PRKACB: variants seen among roughly 807,000 people sequenced by gnomAD.
The protein encoded by PRKACB is cAMP-dependent protein kinase catalytic subunit beta.
In PRKACB, 16 loss-of-function variants were observed where a neutral mutation model predicts 51.4. The ratio of observed to expected loss-of-function variants is 0.31; its 90% CI spans 0.21 to 0.47. PRKACB has a LOEUF of 0.47. Among genes scored for constraint, PRKACB ranks in the 20% least tolerant of loss-of-function variants. The pLI, the probability that PRKACB is intolerant of heterozygous loss-of-function variation, is 1.00. For synonymous variants in PRKACB, 147 were observed against 154.4 expected (o/e 0.95, Z 0.35); for missense variants, 309 against 464.5 (o/e 0.67, Z 3.08).
chr1:84,173,942 C>T (rs1381369577), intron 1 of PRKACB, among the ~76,000 whole-genome samples: 1 of 151,768 alleles, frequency 6.6e-6, no homozygotes, highest in Non-Finnish European at 1.5e-5. Flanking sequence ...TAGCCATCAA[C>T]ATCTAACATA....
chr1:84,181,721 C>T (rs964905570), intron 2 of PRKACB: 26 of 1,516,632 alleles, frequency 1.7e-5, no homozygotes, highest in Non-Finnish European at 2.2e-5. Context: ...AGACTGATTT[C>T]TTCACAGGTA....
intron 1 of PRKACB, among the ~76,000 whole-genome samples, chr1:84,129,482 T>G (rs1327684203): frequency 2.0e-5 from 3 of 152,200 alleles, no homozygotes; most frequent in Non-Finnish European, 2.9e-5. Context: ...TCTCATAAAG[T>G]ACTGTGACAA....
At chr1:84,215,869 A>G (rs1462838462) in intron 9 of PRKACB, among the ~76,000 whole-genome samples, 1 of 151,782 alleles carries the variant, frequency 6.6e-6, no homozygotes, top group East Asian at 1.9e-4. Flanking sequence ...AATATATTTA[A>G]TTTTTTTCTT....
chr1:84,092,795 G>C (rs544972389), intron 1 of PRKACB, among the ~76,000 whole-genome samples: 1 of 151,346 alleles, frequency 6.6e-6, no homozygotes, highest in South Asian at 2.1e-4. Flanking sequence ...AACATTTCCT[G>C]GTTATAATTT....
upstream of PRKACB, among the ~76,000 whole-genome samples, chr1:84,139,349 T>G (rs182728563): frequency 1.3e-5 from 2 of 152,290 alleles, no homozygotes; most frequent in East Asian, 3.9e-4. Context: ...AAATAATATA[T>G]AGTAGCAATG....
At chr1:84,229,103 C>G (rs1191402247) in intron 9 of PRKACB, among the ~76,000 whole-genome samples, 1 of 136,606 alleles carries the variant, frequency 7.3e-6, no homozygotes, top group Non-Finnish European at 1.5e-5. Flanking sequence ...CGTAACAGTC[C>G]CCAGAGTATG....
chr1:84,204,456 T>C (rs1449952165), intron 8 of PRKACB: 2 of 1,516,152 alleles, frequency 1.3e-6, no homozygotes, highest in South Asian at 1.1e-5. Flanking sequence ...AGACTTCTTA[T>C]CTTTGTAATT....
intron 1 of PRKACB, among the ~76,000 whole-genome samples, chr1:84,108,043 A>G (rs1319883959): frequency 1.3e-5 from 2 of 152,180 alleles, no homozygotes; most frequent in South Asian, 4.1e-4. Flanking sequence ...TCATTGCAGC[A>G]CTATTCACAA....
In PRKACB at chr1:84,238,152, C is replaced by G. The variant is rs1676815246; in HGVS notation, c.*2847C>G. 1 of 152,278 alleles carries G rather than the reference C, an allele frequency of 6.6e-6. No homozygotes were observed. The highest frequency in any genetic ancestry group is 1.5e-5 in the Non-Finnish European group (1 of 67,974). 9.4% of individuals were successfully genotyped at this position (152,278 alleles called of 1,614,324 possible). On this transcript the variant is annotated 3_prime_UTR_variant, in exon 10 of 10. Transcript: ENST00000370685. ...CAGTTGAATCAAACTGTCAACCTAC[C>G]AAAAACGATATTGTGGCTTATGGGT...
chr1:84,140,819 A>T (rs1197928080), upstream of PRKACB, among the ~76,000 whole-genome samples: 1 of 152,150 alleles, frequency 6.6e-6, no homozygotes, highest in Non-Finnish European at 1.5e-5. Context: ...AGTGTCTTGC[A>T]GTACAAGAAA....
chr1:84,231,125 A>C (rs1375696679), intron 9 of PRKACB, among the ~76,000 whole-genome samples: 2 of 150,954 alleles, frequency 1.3e-5, no homozygotes, highest in Non-Finnish European at 3.0e-5. Context: ...ATTTATTGAG[A>C]GTTTTTAGCG....
At chr1:84,079,049 C>T (rs911286657) in intron 1 of PRKACB, among the ~76,000 whole-genome samples, 3 of 152,134 alleles carry the variant, frequency 2.0e-5, no homozygotes, top group Admixed American at 2.0e-4. Context: ...TTCCAGAACA[C>T]GGTTAATTTC....
intron 9 of PRKACB, among the ~76,000 whole-genome samples, chr1:84,224,531 A>G (rs1674258313): frequency 6.6e-6 from 1 of 152,208 alleles, no homozygotes; most frequent in Non-Finnish European, 1.5e-5. Context: ...TAGTGGTGGC[A>G]GACTGGGCAG....
In PRKACB at chr1:84,137,487, G is replaced by T. The variant is rs141950933; in HGVS notation, c.47-41690G>T. Among the ~76,000 whole-genome samples the T allele has an allele frequency of 4.2e-4, 64 of 152,230 alleles. No individual in the cohort carries two copies. In the East Asian group the frequency reaches 0.012, roughly 28 times the overall value. On this transcript the variant is annotated intron_variant, in intron 1 of 8. Transcript: ENST00000370688. ...ACAGCACTTACAGCACAAAGAACAA[G>T]TCTTAATGTACGCAAACTTTAAAAA...
At chr1:84,148,837 A>G (rs983912692) in intron 1 of PRKACB, among the ~76,000 whole-genome samples, 2 of 152,220 alleles carry the variant, frequency 1.3e-5, no homozygotes, top group African/African-American at 2.4e-5. Context: ...TGCAAGTACT[A>G]TATCAACTGT....
At chr1:84,200,953 C>T (rs979683397) in intron 7 of PRKACB, among the ~76,000 whole-genome samples, 5 of 151,992 alleles carry the variant, frequency 3.3e-5, no homozygotes, top group African/African-American at 1.2e-4. Context: ...ACTCTTCTAT[C>T]GTTGAGTGTT....
chr1:84,145,349 T>C (rs910065216), intron 1 of PRKACB, among the ~76,000 whole-genome samples: 5 of 152,100 alleles, frequency 3.3e-5, no homozygotes, highest in Non-Finnish European at 7.4e-5. Context: ...AGAGGAACAA[T>C]AGAATTACCC....
chr1:84,152,576 A>G (rs1201448370), intron 1 of PRKACB, among the ~76,000 whole-genome samples: 1 of 152,188 alleles, frequency 6.6e-6, no homozygotes, highest in Non-Finnish European at 1.5e-5. Flanking sequence ...CTCCATTAGC[A>G]CTTGCTGCTT....
intron 8 of PRKACB, among the ~76,000 whole-genome samples, chr1:84,213,483 G>T (rs988396896): frequency 1.3e-5 from 2 of 152,018 alleles, no homozygotes; most frequent in Non-Finnish European, 2.9e-5. Context: ...CTTATTTGGG[G>T]GTTTTCCATT....
Sources: gnomAD v4.1 joint callset for allele counts (sites outside exome capture counted in the v4.1 genomes callset) on GRCh38, gnomAD v4.1.1 for gene constraint, MANE v1.5 for transcripts, NCBI Gene and HGNC (gene_info 2026-07-23, HGNC 2026-07-21) for gene names.